The following RANBP10 variants were observed in gnomAD, a reference collection of about 807,000 sequenced individuals.
The protein encoded by RANBP10 is RAN binding protein 10.
A neutral mutation model predicts 72.8 loss-of-function variants in RANBP10; 24 were observed. The observed-to-expected ratio is 0.33, with a 90% CI of 0.24 to 0.46. RANBP10 has a LOEUF of 0.46. RANBP10 is among the 20% of genes least tolerant of loss of function. The probability of loss-of-function intolerance (pLI) is 1.00; values close to 1 mark genes in which losing one functional copy is unlikely to be tolerated. For synonymous variants in RANBP10, 310 were observed against 322.3 expected, an observed-to-expected ratio of 0.96 and a Z score of 0.41; for missense variants, 679 against 817.5, an observed-to-expected ratio of 0.83 and a Z score of 2.07.
chr16:67,752,123 T>C (rs2054208860), intron 3 of RANBP10, among the ~76,000 whole-genome samples: 1 of 152,186 alleles, frequency 6.6e-6, no homozygotes, highest in South Asian at 2.1e-4. Flanking sequence ...CAGTACCTGT[T>C]ACAGGCCGGA....
At chr16:67,759,027 A>G (rs2054344400) in intron 3 of RANBP10, among the ~76,000 whole-genome samples, 1 of 152,196 alleles carries the variant, frequency 6.6e-6, no homozygotes, top group Non-Finnish European at 1.5e-5. Context: ...CAGAGAGCAA[A>G]TTATCTGAAA....
chr16:67,791,600 C>T (rs1432931346), intron 2 of RANBP10, among the ~76,000 whole-genome samples: 1 of 152,080 alleles, frequency 6.6e-6, no homozygotes, highest in Non-Finnish European at 1.5e-5. Context: ...TCACCAGTAC[C>T]CCCAACCCTA....
chr16:67,726,492 C>T lies in RANBP10; in HGVS notation c.1799G>A (p.Arg600Gln), dbSNP rs546218488. 399 of 1,597,340 alleles carry T rather than the reference C, an allele frequency of 2.5e-4. 4 individuals are homozygous for T. In the South Asian group the frequency reaches 3.8e-3, roughly 15 times the overall value. ...LALGQASECL[R>Q]LMARAGLGSC... The stretch of plus-strand genomic sequence containing the variant: ...ACCCAGGCCTGCTCGGGCCATGAGC[C>T]GGAGACACTCAGATGCCTGGCCCAG... Residue 600 changes from arginine (R) to glutamine (Q), a missense_variant, in exon 14 of 14, where the codon CGG becomes CAG. Transcript: ENST00000317506.
chr16:67,782,563 T>C (rs952121536), intron 2 of RANBP10, among the ~76,000 whole-genome samples: 10 of 152,108 alleles, frequency 6.6e-5, no homozygotes, highest in Non-Finnish European at 1.2e-4. Flanking sequence ...GCAATTCTCC[T>C]GCATCAACTT....
At position 67,734,888 on chromosome 16, in the gene RANBP10, C is replaced by T. The variant is rs764159885; in HGVS notation, c.746G>A (p.Arg249Gln). ...CAGCACTGCCTGCCACTCGCCAAGC[C>T]GGGCACTGATGGGGAAGCAGTGGAC... ...GTVHCFPISARLGEWQAVLQN... is the reference protein window; with the variant it reads ...GTVHCFPISAQLGEWQAVLQN... Residue 249 changes from arginine to glutamine, a missense_variant, in exon 6 of 14, where the codon CGG becomes CAG. Physicochemically the swap from Arg to Gln is conservative, Grantham distance 43. Coordinates refer to ENST00000317506, the MANE Select transcript of RANBP10 (RefSeq NM_020850.3). The T allele has an allele frequency of 8.1e-6, 13 of 1,608,528 alleles. No individual in the cohort carries two copies. Among genetic ancestry groups the T allele is most frequent in the South Asian group, 1.1e-5 (1 of 90,614 alleles).
intron 3 of RANBP10, among the ~76,000 whole-genome samples, chr16:67,769,248 T>C (rs900279536): frequency 1.3e-5 from 2 of 150,356 alleles, no homozygotes; most frequent in Non-Finnish European, 3.0e-5. Context: ...TCTAGACGAG[T>C]CTGGGCAACC....
intron 3 of RANBP10, among the ~76,000 whole-genome samples, chr16:67,755,683 CAAA>C (rs58929828): frequency 1.3e-4 from 7 of 54,356 alleles, no homozygotes; most frequent in Admixed American, 1.2e-3. Context: ...GACTCTGCCT[CAAA>C]AAAAAAAAAA....
chr16:67,785,731 C>CAAAAAAAAGAAAAAAAAAAAAAAA (rs2054904661), intron 2 of RANBP10, among the ~76,000 whole-genome samples: 1 of 71,784 alleles, frequency 1.4e-5, no homozygotes, highest in Non-Finnish European at 2.6e-5. Context: ...GACTCCATCT[C>CAAAAAAAAGAAAAAAAAAAAAAAA]AAAAAAAAAA....
At chr16:67,735,428 C>A (rs2053823784) in intron 5 of RANBP10, among the ~76,000 whole-genome samples, 1 of 152,050 alleles carries the variant, frequency 6.6e-6, no homozygotes, top group Non-Finnish European at 1.5e-5. Flanking sequence ...TTGGAAAGAT[C>A]CAGGGCCAAG....
intron 4 of RANBP10, among the ~76,000 whole-genome samples, chr16:67,741,753 A>C (rs993350795): frequency 4.6e-5 from 7 of 152,224 alleles, no homozygotes; most frequent in South Asian, 2.1e-4. Flanking sequence ...TTATGCAGAC[A>C]ACTGACCAAT....
chr16:67,728,621 C>A (rs775948332), intron 10 of RANBP10, 110 bp from the exon 11 acceptor site: 11 of 1,572,436 alleles, frequency 7.0e-6, no homozygotes, highest in Non-Finnish European at 7.8e-6. Context: ...AACCGAGGAC[C>A]CCCAGGAACA....
chr16:67,801,292 A>G (rs1185852874), intron 2 of RANBP10, among the ~76,000 whole-genome samples: 5 of 152,188 alleles, frequency 3.3e-5, no homozygotes, highest in African/African-American at 9.7e-5. Context: ...TGCACCTTTC[A>G]GCTCTGTCCC....
intron 3 of RANBP10, among the ~76,000 whole-genome samples, chr16:67,755,369 G>C (rs945367297): frequency 1.3e-5 from 2 of 152,176 alleles, no homozygotes; most frequent in African/African-American, 4.8e-5. Context: ...TCTCAGAGGG[G>C]ACTGGGATGT....
intron 3 of RANBP10, among the ~76,000 whole-genome samples, chr16:67,768,750 T>C (rs932302841): frequency 1.3e-5 from 2 of 152,074 alleles, no homozygotes; most frequent in Non-Finnish European, 2.9e-5. Context: ...CAAAGGATAC[T>C]AAGTCCAACA....
chr16:67,797,892 A>C (rs1213891502), intron 2 of RANBP10, among the ~76,000 whole-genome samples: 2 of 150,244 alleles, frequency 1.3e-5, no homozygotes, highest in Non-Finnish European at 3.0e-5. Flanking sequence ...CAAGAGTCTC[A>C]GGTAGGAAGA....
intron 2 of RANBP10, among the ~76,000 whole-genome samples, chr16:67,793,080 G>A (rs918805679): frequency 4.6e-5 from 7 of 152,190 alleles, no homozygotes; most frequent in South Asian, 4.1e-4. Flanking sequence ...GGCACTGCCC[G>A]TAACCGGAGG....
chr16:67,781,192 G>A (rs2054803444), intron 2 of RANBP10, among the ~76,000 whole-genome samples: 1 of 152,242 alleles, frequency 6.6e-6, no homozygotes, highest in South Asian at 2.1e-4. Context: ...TTCATACACT[G>A]GAGGATCTTC....
At chr16:67,784,330 T>G (rs2054868150) in intron 2 of RANBP10, among the ~76,000 whole-genome samples, 1 of 152,166 alleles carries the variant, frequency 6.6e-6, no homozygotes, top group African/African-American at 2.4e-5. Flanking sequence ...GAAACCAGCC[T>G]GACCAACATG....
intron 3 of RANBP10, among the ~76,000 whole-genome samples, chr16:67,750,460 A>C (rs959227222): frequency 1.4e-4 from 21 of 152,224 alleles, no homozygotes; most frequent in Non-Finnish European, 1.2e-4. Context: ...AAACCTCTTC[A>C]ATCACCAGTC....
Sources: allele counts gnomAD v4.1 joint callset (sites outside exome capture counted in the v4.1 genomes callset), GRCh38; gene constraint gnomAD v4.1.1; transcripts MANE v1.5; gene names NCBI Gene and HGNC (gene_info 2026-07-23, HGNC 2026-07-21).